FAM107A: variants seen among roughly 807,000 people sequenced by gnomAD.
FAM107A encodes actin-associated protein FAM107A.
FAM107A carries 19 observed loss-of-function variants against 13.7 expected under a neutral mutation model. The observed-to-expected ratio is 1.38, with a 90% CI of 0.97 to 2.03. The LOEUF is 2.03. Ranked by LOEUF, FAM107A falls within the 30% of genes most tolerant of loss-of-function variation. FAM107A has a pLI of 0.00. For missense variants in FAM107A, 203 were observed against 184.4 expected, an observed-to-expected ratio of 1.10 and a Z score of -0.58; for synonymous variants, 82 against 74.5, an observed-to-expected ratio of 1.10 and a Z score of -0.52.
chr3:58,614,367 G>A (rs1376676286), intron 1 of FAM107A, among the ~76,000 whole-genome samples: 1 of 152,138 alleles, frequency 6.6e-6, no homozygotes, highest in Non-Finnish European at 1.5e-5. Flanking sequence ...GAAGCAGGAA[G>A]TGTTCCCTCA....
upstream of FAM107A, among the ~76,000 whole-genome samples, chr3:58,587,518 T>C (rs939964361): frequency 7.5e-6 from 1 of 133,952 alleles, no homozygotes; most frequent in African/African-American, 2.8e-5. Flanking sequence ...TGTGTGTGTG[T>C]GGCCCAGAAC....
chr3:58,581,453 GC>G (rs1447084461), upstream of FAM107A, among the ~76,000 whole-genome samples: 1 of 152,162 alleles, frequency 6.6e-6, no homozygotes, highest in Admixed American at 6.5e-5. Flanking sequence ...GCTTATCTGG[GC>G]CCACGAACAT....
At chr3:58,596,814 A>G (rs1024403287) in intron 1 of FAM107A, among the ~76,000 whole-genome samples, 15 of 152,248 alleles carry the variant, frequency 9.9e-5, no homozygotes, top group Non-Finnish European at 1.5e-4. Context: ...ATCTTGATAT[A>G]TATGACAAAA....
intron 1 of FAM107A, among the ~76,000 whole-genome samples, chr3:58,583,756 T>C (rs1216229757): frequency 6.6e-6 from 1 of 152,022 alleles, no homozygotes; most frequent in Non-Finnish European, 1.5e-5. Flanking sequence ...ACACAGCTCA[T>C]GGCAGCCTCA....
intron 1 of FAM107A, among the ~76,000 whole-genome samples, chr3:58,592,541 A>G (rs1193468036): frequency 1.3e-5 from 2 of 152,206 alleles, no homozygotes; most frequent in Non-Finnish European, 2.9e-5. Context: ...TCTCTCAGAC[A>G]TAATTCCTCG....
At chr3:58,585,629 G>A (rs939325055) in intron 1 of FAM107A, among the ~76,000 whole-genome samples, 1 of 152,210 alleles carries the variant, frequency 6.6e-6, no homozygotes, top group Non-Finnish European at 1.5e-5. Context: ...CGGGTGGGGC[G>A]AGCTCCTTGC....
At chr3:58,626,100 G>A (rs1358643618) in intron 1 of FAM107A, among the ~76,000 whole-genome samples, 4 of 152,322 alleles carry the variant, frequency 2.6e-5, no homozygotes, top group South Asian at 2.1e-4. Flanking sequence ...TCTGGGACAC[G>A]GCAGCCTGTC....
chr3:58,620,985 AG>A (rs1157374043), intron 1 of FAM107A, among the ~76,000 whole-genome samples: 2 of 152,086 alleles, frequency 1.3e-5, no homozygotes, highest in Non-Finnish European at 2.9e-5. Context: ...GGACTTCCCC[AG>A]GGGAGAAATG....
At chr3:58,582,511 T>C (rs2065559406), upstream of FAM107A, among the ~76,000 whole-genome samples, 1 of 152,220 alleles carries the variant, frequency 6.6e-6, no homozygotes, top group African/African-American at 2.4e-5. Flanking sequence ...TGGACTGTAT[T>C]GCCTCCCAGG....
At chr3:58,616,526 A>AACACAC (rs59230021) in intron 1 of FAM107A, among the ~76,000 whole-genome samples, 2,142 of 137,824 alleles carry the variant, frequency 0.016, 36 homozygotes, top group African/African-American at 0.036. Flanking sequence ...ATAAGAGGAG[A>AACACAC]ACACACACAC....
chr3:58,594,044 G>A (rs572333481), intron 1 of FAM107A, among the ~76,000 whole-genome samples: 19 of 148,966 alleles, frequency 1.3e-4, no homozygotes, highest in East Asian at 1.2e-3. Context: ...TGCATCTCTC[G>A]GCAAAGACCC....
chr3:58,582,357 G>A (rs2065557343), upstream of FAM107A, among the ~76,000 whole-genome samples: 2 of 152,238 alleles, frequency 1.3e-5, no homozygotes, highest in Admixed American at 6.5e-5. Context: ...CTGCGGAGAA[G>A]AAGTATAGTT....
intron 1 of FAM107A, among the ~76,000 whole-genome samples, chr3:58,597,548 A>T (rs1016827104): frequency 2.6e-5 from 4 of 152,238 alleles, no homozygotes; most frequent in African/African-American, 9.6e-5. Flanking sequence ...TGAGAATAGG[A>T]ATTGTAACTT....
upstream of FAM107A, among the ~76,000 whole-genome samples, chr3:58,587,474 A>AGTGTGTGTGT (rs376881213): frequency 6.9e-6 from 1 of 145,454 alleles, no homozygotes; most frequent in Non-Finnish European, 1.5e-5. Flanking sequence ...ATCAGCTTAG[A>AGTGTGTGTGT]GTGTGTGTGT....
At chr3:58,576,419 T>A (rs114500895) in intron 1 of FAM107A, among the ~76,000 whole-genome samples, 1,840 of 152,348 alleles carry the variant, frequency 0.012, 42 homozygotes, top group African/African-American at 0.041. Context: ...TCAGCAGACC[T>A]GGAATCCCTG....
intron 1 of FAM107A, among the ~76,000 whole-genome samples, chr3:58,610,062 A>G (rs2065838245): frequency 2.0e-5 from 3 of 152,154 alleles, no homozygotes; most frequent in Non-Finnish European, 4.4e-5. Flanking sequence ...CTGGAGACTG[A>G]TTTGTAATGG....
intron 1 of FAM107A, among the ~76,000 whole-genome samples, chr3:58,593,132 C>T (rs191478292): frequency 1.2e-4 from 19 of 152,300 alleles, no homozygotes; most frequent in Non-Finnish European, 2.5e-4. Context: ...CAGAATAAAG[C>T]TGTGTCCATT....
At chr3:58,591,904 G>T (rs921780013), upstream of FAM107A, among the ~76,000 whole-genome samples, 1 of 152,180 alleles carries the variant, frequency 6.6e-6, no homozygotes. The surrounding 1 kb of genome is among the most constrained non-coding windows in gnomAD (Gnocchi z 4.3). Context: ...AGTGAATGAG[G>T]GAATGCAGCC....
At chr3:58,570,583 CAGAGAGAGAGAGAG>C (rs371909507) in intron 1 of FAM107A, among the ~76,000 whole-genome samples, 4,195 of 91,100 alleles carry the variant, frequency 0.046, 131 homozygotes, top group East Asian at 0.086. Flanking sequence ...GCAAATACAG[CAGAGAGAGAGAGAG>C]AGAGAGAGAG....
Sources: gnomAD v4.1 joint callset for allele counts (sites outside exome capture counted in the v4.1 genomes callset) on GRCh38, gnomAD v4.1.1 for gene constraint, Gnocchi (gnomAD v3.1) non-coding constraint, MANE v1.5 for transcripts, NCBI Gene and HGNC (gene_info 2026-07-23, HGNC 2026-07-21) for gene names.